Variants in LANCL2 observed in about 807,000 individuals in gnomAD.
LANCL2 encodes LanC like glutathione S-transferase 2, also known as lanC-like protein 2.
Under a neutral mutation model 56.9 loss-of-function variants are expected in LANCL2, and 33 were observed. The ratio of observed to expected loss-of-function variants is 0.58; its 90% CI spans 0.44 to 0.78. The LOEUF (loss-of-function observed/expected upper bound fraction) is 0.78. Ranked by LOEUF, LANCL2 falls within the 30% of genes least tolerant of loss-of-function variation. The pLI, the probability that LANCL2 is intolerant of heterozygous loss-of-function variation, is 0.00. For missense variants in LANCL2, 562 were observed against 580.2 expected, an observed-to-expected ratio of 0.97 and a Z score of 0.32; for synonymous variants, 233 against 228.2, an observed-to-expected ratio of 1.02 and a Z score of -0.19.
At chr7:55,409,931 T>C (rs918050676) in intron 5 of LANCL2, among the ~76,000 whole-genome samples, 3 of 152,200 alleles carry the variant, frequency 2.0e-5, no homozygotes, top group African/African-American at 7.2e-5. Flanking sequence ...TTGCATAGTA[T>C]AGTCTGTAAA....
At chr7:55,431,191 G>A (rs780457501) in intron 8 of LANCL2, 35 bp from the exon 9 acceptor site, 3 of 1,489,618 alleles carry the variant, frequency 2.0e-6, no homozygotes, top group South Asian at 2.3e-5. Context: ...CTACCCTTAT[G>A]CCATTCCTAA....
intron 5 of LANCL2, among the ~76,000 whole-genome samples, chr7:55,409,923 G>T (rs1464502906): frequency 6.6e-6 from 1 of 152,186 alleles, no homozygotes; most frequent in East Asian, 1.9e-4. Context: ...AACAATATTT[G>T]CATAGTATAG....
In LANCL2 at chr7:55,411,823, A is replaced by G. The variant is rs146244097; in HGVS notation, c.826-84A>G. On this transcript the variant is annotated intron_variant, in intron 5 of 8. Transcript: ENST00000254770. The stretch of plus-strand genomic sequence containing the variant: ...ATGTGCTTTTTTTGTTTTCCAGGTA[A>G]TTGATGTTTTGTTAGCCATGATACA... 3.1e-6 allele frequency: 4 copies of G among 1,285,404 alleles called. No homozygotes were observed. In the African/African-American group the frequency reaches 4.5e-5, roughly 14 times the overall value. The allele number at this position is 1,285,404 out of a possible 1,614,324, so 79.6% of individuals were successfully genotyped here. A position where few individuals can be genotyped will look rare whatever the true frequency, so the allele number is the denominator to read the frequency against.
chr7:55,419,289 T>C (rs1388087476), intron 6 of LANCL2, among the ~76,000 whole-genome samples: 1 of 152,106 alleles, frequency 6.6e-6, no homozygotes, highest in East Asian at 1.9e-4. Flanking sequence ...TTTTTCAATA[T>C]GTTTTCTCAT....
At chr7:55,368,714 G>T (rs983246458) in intron 1 of LANCL2, among the ~76,000 whole-genome samples, 1 of 152,034 alleles carries the variant, frequency 6.6e-6, no homozygotes, top group South Asian at 2.1e-4. Context: ...AGAAAAAAAG[G>T]TATTGAAGGT....
At chr7:55,421,054 C>G (rs1480677655) in intron 6 of LANCL2, among the ~76,000 whole-genome samples, 1 of 152,052 alleles carries the variant, frequency 6.6e-6, no homozygotes, top group African/African-American at 2.4e-5. Context: ...TGCAGCTGCT[C>G]CAGCATTTTG....
intron 1 of LANCL2, among the ~76,000 whole-genome samples, chr7:55,374,236 C>T (rs537293223): frequency 2.0e-5 from 3 of 152,094 alleles, no homozygotes; most frequent in Non-Finnish European, 2.9e-5. Context: ...ATATCCCCTA[C>T]GAAGCATACA....
At position 55,383,175 on chromosome 7, in the gene LANCL2, T is replaced by C. The variant is rs544858248; in HGVS notation, c.205-8618T>C. Reference sequence around the variant, plus strand: ...AACACCAGGGTCCTTTGTCTCACGCTGATATAGATAACATGACACAGACAT... The same window carrying C: ...AACACCAGGGTCCTTTGTCTCACGCCGATATAGATAACATGACACAGACAT... On this transcript the variant is annotated intron_variant, in intron 1 of 8. Transcript: ENST00000254770. Among the ~76,000 whole-genome samples, 7 of 152,294 alleles carry C rather than the reference T, an allele frequency of 4.6e-5. No homozygotes were observed. In the East Asian group the frequency reaches 1.4e-3, roughly 29 times the overall value.
Position 55,400,028 on chromosome 7 carries a change from C to A in LANCL2, c.602C>A (p.Ala201Glu), listed in dbSNP as rs1377456667. Residue 201 changes from alanine to glutamate, a missense_variant, in exon 4 of 9, where the codon GCA (alanine) becomes GAA (glutamate). By Grantham distance (107) the Ala-to-Glu change is moderately radical. Transcript: ENST00000254770. ...CCTGATGAGCTGCTTTATGGACGGG[C>A]AGGTTATCTGTATGCCTTACTGTAC... ...DLPDELLYGR[A>E]GYLYALLYLN... 6.2e-7 allele frequency: 1 copy of A among 1,613,692 alleles called. No homozygotes were observed. The highest frequency in any genetic ancestry group is 8.5e-7 in the Non-Finnish European group (1 of 1,179,836).
At chr7:55,373,410 C>T (rs1484262243) in intron 1 of LANCL2, among the ~76,000 whole-genome samples, 1 of 152,110 alleles carries the variant, frequency 6.6e-6, no homozygotes, top group Non-Finnish European at 1.5e-5. Flanking sequence ...CCCACCTCAG[C>T]CTCCCAAGTA....
intron 5 of LANCL2, among the ~76,000 whole-genome samples, chr7:55,411,049 A>T (rs1790465089): frequency 6.6e-6 from 1 of 152,146 alleles, no homozygotes; most frequent in East Asian, 1.9e-4. Context: ...TGTGGCATTA[A>T]CATGTCACCC....
At position 55,397,656 on chromosome 7, in the gene LANCL2, CTTTTTTTTTTT is replaced by C. The variant is rs10659615; in HGVS notation, c.323-756_323-746del. Among the ~76,000 whole-genome samples, 4 of 108,840 alleles carry C rather than the reference CTTTTTTTTTTT, an allele frequency of 3.7e-5. No homozygotes were observed. In the East Asian group the frequency reaches 1.1e-3, roughly 29 times the overall value. The allele number at this position is 108,840 out of a possible 152,430, so 71.4% of individuals were successfully genotyped here. On this transcript the variant is annotated intron_variant, in intron 2 of 8. Transcript: ENST00000254770. ...CAGTAAATACATATTTATACTGATT[CTTTTTTTTTTT>C]TTTTTTTTTTACTTAGCTGTCATAT... is the stretch of plus-strand genomic sequence containing the variant.
At chr7:55,385,889 G>T (rs992220558) in intron 1 of LANCL2, among the ~76,000 whole-genome samples, 45 of 152,246 alleles carry the variant, frequency 3.0e-4, no homozygotes, top group African/African-American at 1.0e-3. Flanking sequence ...ACGCCTTGTG[G>T]GGGCCAGTTC....
rs1032692835 is a variant in LANCL2 at position 55,365,697 on chromosome 7, G to A, written c.-329G>A. 3 of 226,166 alleles carry A rather than the reference G, an allele frequency of 1.3e-5. No homozygotes were observed. The highest frequency in any genetic ancestry group is 2.6e-5 in the Non-Finnish European group (3 of 116,060). 14.0% of individuals were successfully genotyped at this position (226,166 alleles called of 1,614,324 possible). The stretch of plus-strand genomic sequence containing the variant: ...GTGCGCGTCGCCGCGGACGGGCTCT[G>A]CGGGCCACGGGGAAGGTGCGAGGAG... On this transcript the variant is annotated 5_prime_UTR_variant, in exon 1 of 9. Transcript: ENST00000254770.
intron 2 of LANCL2, among the ~76,000 whole-genome samples, chr7:55,394,349 A>G (rs1583751100): frequency 1.3e-5 from 2 of 152,132 alleles, no homozygotes; most frequent in East Asian, 1.9e-4. Flanking sequence ...AGGTGGGAGG[A>G]TGGTTTGAGG....
At chr7:55,386,541 G>T (rs1247591194) in intron 1 of LANCL2, among the ~76,000 whole-genome samples, 3 of 152,210 alleles carry the variant, frequency 2.0e-5, no homozygotes, top group Non-Finnish European at 4.4e-5. Context: ...TGCCAAGGCT[G>T]CTGTGAGCTA....
chr7:55,379,838 G>C (rs1219496533), intron 1 of LANCL2: 2 of 152,074 alleles, frequency 1.3e-5, no homozygotes, highest in Non-Finnish European at 2.9e-5. Flanking sequence ...TTGCTAGTAA[G>C]TAAAGATTGT....
intron 6 of LANCL2, among the ~76,000 whole-genome samples, 193 bp downstream of exon 6, chr7:55,412,282 GTA>G (rs1321812564): frequency 2.0e-5 from 3 of 152,216 alleles, no homozygotes; most frequent in African/African-American, 7.2e-5. Flanking sequence ...CTGTGTGTGT[GTA>G]TGTGTGTGAT....
Position 55,410,498 on chromosome 7 carries a change from T to C in LANCL2, c.826-1409T>C, listed in dbSNP as rs578056102. On this transcript the variant is annotated intron_variant, in intron 5 of 8. Coordinates refer to ENST00000254770, the MANE Select transcript of LANCL2 (RefSeq NM_018697.4). ...TTTTTATTTCATTCTGTAGGAGATG[T>C]CATGTTGTAAACTTTGGTGCTTATG... Among the ~76,000 whole-genome samples, 6 of 152,346 alleles carry C rather than the reference T, an allele frequency of 3.9e-5. No individual in the cohort carries two copies. The East Asian group carries it at 1.2e-3, about 29-fold the overall frequency.
Sources: gnomAD v4.1 joint callset for allele counts (sites outside exome capture counted in the v4.1 genomes callset) on GRCh38, gnomAD v4.1.1 for gene constraint, MANE v1.5 for transcripts, NCBI Gene and HGNC (gene_info 2026-07-23, HGNC 2026-07-21) for gene names.